SLC44A5: variants seen among roughly 807,000 people sequenced by gnomAD.
SLC44A5 encodes the protein solute carrier family 44 member 5, also known as choline transporter-like protein 5.
A neutral mutation model predicts 101.8 loss-of-function variants in SLC44A5; 57 were observed. The observed-to-expected ratio is 0.56, with a 90% CI of 0.45 to 0.70. SLC44A5 has a LOEUF of 0.70. Ranked by LOEUF, SLC44A5 falls within the 30% of genes least tolerant of loss-of-function variation. The probability of loss-of-function intolerance (pLI) is 0.00; values close to 1 mark genes in which losing one functional copy is unlikely to be tolerated. For missense variants in SLC44A5, 737 were observed against 853.1 expected, an observed-to-expected ratio of 0.86 and a Z score of 1.70; for synonymous variants, 281 against 290.9, an observed-to-expected ratio of 0.97 and a Z score of 0.35.
intron 23 of SLC44A5, chr1:75,206,474 G>T: frequency 1.6e-6 from 1 of 625,674 alleles, no homozygotes; most frequent in Non-Finnish European, 2.8e-6. Flanking sequence ...GACACCTCAG[G>T]TAGTACCAGG....
chr1:75,683,616 GAA>G, the SLC44A5 span, among the ~76,000 whole-genome samples: 2 of 152,090 alleles, frequency 1.3e-5, no homozygotes, highest in Non-Finnish European at 2.9e-5. Context: ...TGAGGTGGCG[GAA>G]GGGGGGAGGG....
chr1:75,239,533 T>C (rs1648422305), intron 9 of SLC44A5, among the ~76,000 whole-genome samples: 1 of 152,060 alleles, frequency 6.6e-6, no homozygotes, highest in South Asian at 2.1e-4. Flanking sequence ...CTTTCCTGGC[T>C]TAAAAGGATT....
the SLC44A5 span, among the ~76,000 whole-genome samples, chr1:75,643,126 T>G: frequency 6.6e-6 from 1 of 152,294 alleles, no homozygotes; most frequent in Admixed American, 6.5e-5. Flanking sequence ...CAACCATCTT[T>G]GGAAAGATTT....
At chr1:75,218,014 G>A (rs1646998806) in intron 17 of SLC44A5, 54 bp from the exon 18 acceptor site, 2 of 1,148,914 alleles carry the variant, frequency 1.7e-6, no homozygotes, top group Admixed American at 1.9e-5. Flanking sequence ...TATTTAAGGG[G>A]ATGCTAATTG....
chr1:75,544,109 A>G (rs1671512336), intron 1 of SLC44A5, among the ~76,000 whole-genome samples: 1 of 152,142 alleles, frequency 6.6e-6, no homozygotes, highest in Non-Finnish European at 1.5e-5. Context: ...GATCTTTAAG[A>G]GGTGATTAGG....
chr1:75,675,042 A>G, the SLC44A5 span, among the ~76,000 whole-genome samples: 1 of 152,176 alleles, frequency 6.6e-6, no homozygotes, highest in African/African-American at 2.4e-5. Flanking sequence ...GTCAGGTAGC[A>G]TGATGCCTTC....
At chr1:75,553,260 G>A (rs1672039495) in intron 1 of SLC44A5, among the ~76,000 whole-genome samples, 1 of 152,048 alleles carries the variant, frequency 6.6e-6, no homozygotes, top group South Asian at 2.1e-4. Context: ...ACTATGCTAG[G>A]TTCTAAGGAG....
intron 1 of SLC44A5, among the ~76,000 whole-genome samples, chr1:75,555,549 C>T (rs1197240908): frequency 6.6e-6 from 1 of 152,038 alleles, no homozygotes; most frequent in Non-Finnish European, 1.5e-5. Context: ...TTTGGCCTCA[C>T]ATTATAGGTT....
At chr1:75,686,860 T>C in the SLC44A5 span, among the ~76,000 whole-genome samples, 7 of 152,274 alleles carry the variant, frequency 4.6e-5, no homozygotes, top group East Asian at 7.7e-4. Context: ...TGAACGTGGA[T>C]GTATTTGGAC....
chr1:75,652,892 T>A, the SLC44A5 span, among the ~76,000 whole-genome samples: 5 of 152,208 alleles, frequency 3.3e-5, no homozygotes, highest in African/African-American at 1.2e-4. Flanking sequence ...AATCTAAGCA[T>A]GCAATATCCT....
At chr1:75,616,602 T>A in the SLC44A5 span, among the ~76,000 whole-genome samples, 1 of 152,066 alleles carries the variant, frequency 6.6e-6, no homozygotes, top group East Asian at 1.9e-4. Flanking sequence ...CTCCACAGCC[T>A]CCTCGAGGAT....
At chr1:75,418,563 A>G (rs1663806866) in intron 2 of SLC44A5, among the ~76,000 whole-genome samples, 1 of 152,162 alleles carries the variant, frequency 6.6e-6, no homozygotes, top group Non-Finnish European at 1.5e-5. Flanking sequence ...TTCCAGGCAG[A>G]GACAAGAGCA....
At chr1:75,587,397 A>G (rs576874838) in intron 1 of SLC44A5, among the ~76,000 whole-genome samples, 1 of 152,316 alleles carries the variant, frequency 6.6e-6, no homozygotes, top group South Asian at 2.1e-4. Context: ...TTAGTGGTTG[A>G]TTAGCAGTAA....
At chr1:75,650,039 C>T in the SLC44A5 span, among the ~76,000 whole-genome samples, 2 of 152,004 alleles carry the variant, frequency 1.3e-5, no homozygotes, top group Admixed American at 6.6e-5. Flanking sequence ...TTTTATATTG[C>T]CTTGTGTATT....
At chr1:75,318,858 C>G (rs1250859737) in intron 4 of SLC44A5, among the ~76,000 whole-genome samples, 1 of 152,182 alleles carries the variant, frequency 6.6e-6, no homozygotes, top group East Asian at 1.9e-4. Context: ...GGGCAAAGCC[C>G]TGCTTCCTGT....
intron 6 of SLC44A5, among the ~76,000 whole-genome samples, chr1:75,262,380 C>T (rs1159413641): frequency 1.3e-5 from 2 of 152,106 alleles, no homozygotes; most frequent in Non-Finnish European, 2.9e-5. Context: ...CTCCCATTCA[C>T]AATTGCTACA....
rs201473283 is a variant in SLC44A5, at chr1:75,368,674, A to C, written c.52+27909T>G. Among the ~76,000 whole-genome samples, 831 of 148,326 alleles carry C rather than the reference A, an allele frequency of 5.6e-3. 3 individuals carry two copies. Among genetic ancestry groups the C allele is most frequent in the Non-Finnish European group, 8.9e-3 (601 of 67,368 alleles). On this transcript the variant is annotated intron_variant, in intron 3 of 23. Coordinates refer to ENST00000370859, the MANE Select transcript of SLC44A5 (RefSeq NM_001130058.2). The stretch of plus-strand genomic sequence containing the variant: ...ACACACACACACACACACACACACC[A>C]CACTCAAATTGGTATTCTGAATGCT...
At chr1:75,628,268 CCT>C in the SLC44A5 span, among the ~76,000 whole-genome samples, 1 of 152,040 alleles carries the variant, frequency 6.6e-6, no homozygotes, top group East Asian at 1.9e-4. Context: ...TTCATAGTTC[CCT>C]CTCTGCAAAT....
the SLC44A5 span, among the ~76,000 whole-genome samples, chr1:75,697,144 C>G: frequency 6.6e-6 from 1 of 152,082 alleles, no homozygotes. Flanking sequence ...CATGGTGGCT[C>G]ACACCTATAG....
Sources: gnomAD v4.1 joint callset for allele counts (sites outside exome capture counted in the v4.1 genomes callset) on GRCh38, gnomAD v4.1.1 for gene constraint, MANE v1.5 for transcripts, NCBI Gene and HGNC (gene_info 2026-07-23, HGNC 2026-07-21) for gene names.